Variants in FMNL2 observed in about 807,000 individuals in gnomAD.
The protein encoded by FMNL2 is formin-like protein 2.
Under a neutral mutation model 130.2 loss-of-function variants are expected in FMNL2, and 51 were observed. The ratio of observed to expected loss-of-function variants is 0.39; its 90% CI spans 0.31 to 0.49. FMNL2 has a LOEUF of 0.49. Ranked by LOEUF, FMNL2 falls within the 20% of genes least tolerant of loss-of-function variation. FMNL2 has a pLI of 0.85. For missense variants in FMNL2, 977 were observed against 1,316.2 expected, an observed-to-expected ratio of 0.74 and a Z score of 3.99; for synonymous variants, 465 against 467.1, an observed-to-expected ratio of 1.00 and a Z score of 0.06.
rs529628643 is a variant in FMNL2 at position 152,599,601 on chromosome 2, C to T, written c.877-7738C>T. ...AGTCATCTGGCTGCTCTGTGTGCCT[C>T]CTGCCAAACATCTGGATATCTGGAA... On this transcript the variant is annotated intron_variant, in intron 9 of 25. Coordinates refer to ENST00000288670, the MANE Select transcript of FMNL2 (RefSeq NM_052905.4). Among the ~76,000 whole-genome samples, 3 of 151,824 alleles carry T rather than the reference C, an allele frequency of 2.0e-5. No homozygotes were observed. The East Asian group carries it at 5.8e-4, about 29-fold the overall frequency.
intron 1 of FMNL2, among the ~76,000 whole-genome samples, chr2:152,472,833 G>A (rs1183491855): frequency 2.0e-5 from 3 of 152,192 alleles, no homozygotes; most frequent in Admixed American, 6.5e-5. Flanking sequence ...GTAAAGTGGT[G>A]CAAATGATGA....
At chr2:152,582,465 T>C (rs1696847508) in intron 9 of FMNL2, among the ~76,000 whole-genome samples, 1 of 152,210 alleles carries the variant, frequency 6.6e-6, no homozygotes, top group African/African-American at 2.4e-5. Context: ...ATTTTGTAAA[T>C]GCCAACTGTG....
At chr2:152,562,795 T>A (rs1695602148) in intron 6 of FMNL2, among the ~76,000 whole-genome samples, 1 of 152,218 alleles carries the variant, frequency 6.6e-6, no homozygotes, top group African/African-American at 2.4e-5. Context: ...AAATTCAGGA[T>A]GAATTTCCTG....
chr2:152,565,759 T>G (rs1695800760), intron 6 of FMNL2, among the ~76,000 whole-genome samples: 1 of 151,948 alleles, frequency 6.6e-6, no homozygotes, highest in Non-Finnish European at 1.5e-5. Context: ...TAAGAGTTTG[T>G]TTTTCTTATG....
chr2:152,430,249 C>T (rs766636571), intron 1 of FMNL2, among the ~76,000 whole-genome samples: 1 of 152,164 alleles, frequency 6.6e-6, no homozygotes, highest in Non-Finnish European at 1.5e-5. Context: ...GAAATGAGTT[C>T]TCACGTTAGT....
At chr2:152,342,273 T>C (rs541323379) in intron 1 of FMNL2, among the ~76,000 whole-genome samples, 293 of 152,272 alleles carry the variant, frequency 1.9e-3, no homozygotes, top group African/African-American at 6.8e-3. Flanking sequence ...AAGTAGCTAA[T>C]ACAAGAAGCA....
chr2:152,565,203 A>T (rs1695765877), intron 6 of FMNL2, among the ~76,000 whole-genome samples: 1 of 152,166 alleles, frequency 6.6e-6, no homozygotes, highest in African/African-American at 2.4e-5. Context: ...TATTAACTCG[A>T]GTAAGAAATG....
chr2:152,603,782 C>T (rs1698216015), intron 9 of FMNL2, among the ~76,000 whole-genome samples: 1 of 150,932 alleles, frequency 6.6e-6, no homozygotes, highest in South Asian at 2.2e-4. Context: ...GGGTCCATTC[C>T]TGCGGCATTC....
At chr2:152,434,008 A>C (rs938812631) in intron 1 of FMNL2, among the ~76,000 whole-genome samples, 1 of 152,232 alleles carries the variant, frequency 6.6e-6, no homozygotes, top group African/African-American at 2.4e-5. Flanking sequence ...GCAAGGAGAA[A>C]GCCCATTTTG....
intron 1 of FMNL2, among the ~76,000 whole-genome samples, chr2:152,478,248 A>ATT (rs1437961072): frequency 1.2e-4 from 9 of 75,742 alleles, no homozygotes; most frequent in Non-Finnish European, 2.0e-4. Flanking sequence ...ATATATATAT[A>ATT]TATTTTTTTT....
At chr2:152,555,609 C>T (rs1001140925) in intron 4 of FMNL2, among the ~76,000 whole-genome samples, 3 of 152,228 alleles carry the variant, frequency 2.0e-5, no homozygotes, top group African/African-American at 7.2e-5. Flanking sequence ...TTGGCACTTA[C>T]ATCTCTTCCT....
intron 9 of FMNL2, among the ~76,000 whole-genome samples, chr2:152,599,017 G>A (rs1697905151): frequency 6.6e-6 from 1 of 152,166 alleles, no homozygotes; most frequent in Non-Finnish European, 1.5e-5. Context: ...ATTGTCCAAG[G>A]GCAGGGGAAG....
intron 9 of FMNL2, among the ~76,000 whole-genome samples, chr2:152,601,052 A>G (rs1049546259): frequency 4.6e-5 from 7 of 152,096 alleles, no homozygotes; most frequent in African/African-American, 9.7e-5. Context: ...ATTTTTTTCA[A>G]ATTTTTTATT....
At chr2:152,547,014 C>T (rs1430537041) in intron 3 of FMNL2, among the ~76,000 whole-genome samples, 8 of 143,462 alleles carry the variant, frequency 5.6e-5, no homozygotes, top group Admixed American at 1.5e-4. Context: ...GGCCCGATTT[C>T]GGCTTGCTGC....
intron 25 of FMNL2, among the ~76,000 whole-genome samples, chr2:152,645,145 CTG>C (rs1228163092): frequency 1.3e-5 from 2 of 152,188 alleles, no homozygotes; most frequent in Non-Finnish European, 2.9e-5. Flanking sequence ...GGCTAGAAAA[CTG>C]TCATCTGCTT....
At chr2:152,426,493 A>G (rs1687210399) in intron 1 of FMNL2, among the ~76,000 whole-genome samples, 1 of 152,212 alleles carries the variant, frequency 6.6e-6, no homozygotes, top group Non-Finnish European at 1.5e-5. Flanking sequence ...TTGTATGTAT[A>G]GTTCTTGAAA....
chr2:152,512,284 A>C (rs1265188439), intron 1 of FMNL2, among the ~76,000 whole-genome samples: 2 of 152,238 alleles, frequency 1.3e-5, no homozygotes, highest in Non-Finnish European at 2.9e-5. Flanking sequence ...TTTGAAAAAA[A>C]TTGCATGAGT....
chr2:152,643,343 A>G (rs1346830242), intron 25 of FMNL2: 6 of 1,529,788 alleles, frequency 3.9e-6, no homozygotes, highest in Admixed American at 2.0e-5. Context: ...CAATGCACTA[A>G]CCATGTACTA....
chr2:152,495,062 A>T (rs1362041358), intron 1 of FMNL2, among the ~76,000 whole-genome samples: 1 of 152,200 alleles, frequency 6.6e-6, no homozygotes, highest in African/African-American at 2.4e-5. Context: ...ACACCTGGAA[A>T]CGCAGCGTTG....
Sources: allele counts gnomAD v4.1 joint callset (sites outside exome capture counted in the v4.1 genomes callset), GRCh38; gene constraint gnomAD v4.1.1; transcripts MANE v1.5; gene names NCBI Gene and HGNC (gene_info 2026-07-23, HGNC 2026-07-21).